Variants in ATP9B observed in about 807,000 individuals in gnomAD.
ATP9B encodes ATPase phospholipid transporting 9B, also known as probable phospholipid-transporting ATPase IIB.
Under a neutral mutation model 146.1 loss-of-function variants are expected in ATP9B, and 110 were observed. The observed-to-expected ratio is 0.75, with a 90% CI of 0.65 to 0.88. The LOEUF (loss-of-function observed/expected upper bound fraction) is 0.88, where lower values mean the gene tolerates loss of function less well. Among genes scored for constraint, ATP9B ranks in the 40% least tolerant of loss-of-function variants. ATP9B has a pLI of 0.00. For missense variants in ATP9B, 1,499 were observed against 1,496.4 expected (o/e 1.00, Z -0.03); for synonymous variants, 604 against 569.7 (o/e 1.06, Z -0.86).
At chr18:79,255,164 TG>T (rs1206717960) in intron 12 of ATP9B, 1 of 152,194 alleles carries the variant, frequency 6.6e-6, no homozygotes, top group Non-Finnish European at 1.5e-5. Context: ...ACAGTTCTTG[TG>T]CCGGCATGTA....
intron 6 of ATP9B, among the ~76,000 whole-genome samples, chr18:79,150,124 A>G (rs1368616804): frequency 6.6e-6 from 1 of 152,144 alleles, no homozygotes; most frequent in African/African-American, 2.4e-5. Flanking sequence ...GGAATTCAAC[A>G]TCATTAGTCA....
At chr18:79,188,958 G>C (rs1033645705) in intron 8 of ATP9B, among the ~76,000 whole-genome samples, 7 of 150,368 alleles carry the variant, frequency 4.7e-5, no homozygotes, top group African/African-American at 1.7e-4. Context: ...TTTTTAACTA[G>C]TTACAGTATG....
At chr18:79,273,179 G>A (rs923046909) in intron 12 of ATP9B, among the ~76,000 whole-genome samples, 4 of 152,226 alleles carry the variant, frequency 2.6e-5, no homozygotes, top group Non-Finnish European at 4.4e-5. Flanking sequence ...CCCATTGTGT[G>A]TCTGTTCATT....
chr18:79,317,791 G>A (rs2096689936), intron 15 of ATP9B, among the ~76,000 whole-genome samples: 1 of 152,192 alleles, frequency 6.6e-6, no homozygotes, highest in East Asian at 1.9e-4. Context: ...GCCATTGCAT[G>A]GTAGAATGCA....
At position 79,340,304 on chromosome 18, in the gene ATP9B, A is replaced by T. The variant is rs561503797; in HGVS notation, c.2284-1964A>T. 54 of 152,290 alleles carry T rather than the reference A, an allele frequency of 3.5e-4. 1 individual carries two copies. Among genetic ancestry groups the T allele is most frequent in the Non-Finnish European group, 7.5e-4 (51 of 68,024 alleles). 9.4% of individuals were successfully genotyped at this position (152,290 alleles called of 1,614,324 possible). The stretch of plus-strand genomic sequence containing the variant: ...TGCTCTTTATTCTTTACATTATGTA[A>T]AGTCTGACTTCAGATGTTCCTCTGA... On this transcript the variant is annotated intron_variant, in intron 19 of 29. Coordinates refer to ENST00000426216, the MANE Select transcript of ATP9B (RefSeq NM_198531.5).
chr18:79,370,517 A>C (rs886311492), intron 26 of ATP9B, among the ~76,000 whole-genome samples: 3 of 152,200 alleles, frequency 2.0e-5, no homozygotes, highest in Non-Finnish European at 4.4e-5. Flanking sequence ...CATGAAACCC[A>C]TAGTGAATGA....
At chr18:79,291,916 C>G (rs1270652568) in intron 13 of ATP9B, among the ~76,000 whole-genome samples, 1 of 152,190 alleles carries the variant, frequency 6.6e-6, no homozygotes, top group African/African-American at 2.4e-5. Context: ...TCGCCCGTGC[C>G]CCAGGCAGCC....
intron 13 of ATP9B, among the ~76,000 whole-genome samples, chr18:79,302,481 C>T (rs1176558841): frequency 6.6e-6 from 1 of 152,190 alleles, no homozygotes; most frequent in Non-Finnish European, 1.5e-5. Flanking sequence ...GTGAAAGCAC[C>T]ACACATCGCA....
At chr18:79,153,589 T>A (rs1176944687) in intron 6 of ATP9B, among the ~76,000 whole-genome samples, 1 of 152,184 alleles carries the variant, frequency 6.6e-6, no homozygotes, top group African/African-American at 2.4e-5. Context: ...CCTGCTGTGT[T>A]ACATGTACAG....
At chr18:79,359,561 T>A (rs1239620667) in intron 26 of ATP9B, 99 bp downstream of exon 26, 1 of 910,572 alleles carries the variant, frequency 1.1e-6, no homozygotes, top group Admixed American at 2.0e-5. Context: ...TTTCCAGGCA[T>A]TTTGTGAAAA....
intron 12 of ATP9B, among the ~76,000 whole-genome samples, chr18:79,261,492 G>T (rs1195500949): frequency 2.0e-5 from 3 of 152,118 alleles, no homozygotes; most frequent in African/African-American, 7.2e-5. Flanking sequence ...GCACGCCAAG[G>T]ACTGTGAGCA....
At chr18:79,304,352 T>C (rs1345197665) in intron 14 of ATP9B, among the ~76,000 whole-genome samples, 1 of 151,836 alleles carries the variant, frequency 6.6e-6, no homozygotes, top group Non-Finnish European at 1.5e-5. Flanking sequence ...GAATTAGAGG[T>C]TGAGTATCCC....
chr18:79,349,581 T>C (rs186168483), intron 25 of ATP9B, among the ~76,000 whole-genome samples: 2 of 152,280 alleles, frequency 1.3e-5, no homozygotes, highest in East Asian at 3.9e-4. Flanking sequence ...ACTCGACAGC[T>C]CCCTGAATCC....
At chr18:79,293,070 A>T (rs1194820167) in intron 13 of ATP9B, among the ~76,000 whole-genome samples, 1 of 151,606 alleles carries the variant, frequency 6.6e-6, no homozygotes, top group African/African-American at 2.4e-5. Context: ...TTGGGTTTTC[A>T]ACAAGGATGC....
At chr18:79,160,191 T>C (rs2094856721) in intron 7 of ATP9B, among the ~76,000 whole-genome samples, 1 of 152,242 alleles carries the variant, frequency 6.6e-6, no homozygotes, top group Non-Finnish European at 1.5e-5. Flanking sequence ...AAAACTATTT[T>C]GTTAGTGATT....
At chr18:79,364,290 AAAAAG>A (rs1443513816) in intron 26 of ATP9B, 1 of 152,062 alleles carries the variant, frequency 6.6e-6, no homozygotes. Flanking sequence ...AGAAAAGAAA[AAAAAG>A]AAAATAACAG....
Position 79,327,641 on chromosome 18 carries a change from G to GTTAGCGTGCCCTCCGTGT in ATP9B, c.1774-1495_1774-1494insGTGCCCTCCGTGTTTAGC, listed in dbSNP as rs1555849924. On this transcript the variant is annotated intron_variant, in intron 15 of 29. Coordinates refer to ENST00000426216, the MANE Select transcript of ATP9B (RefSeq NM_198531.5). ...CTCCCTGGTTAGTGTGCCCTCCCTG[G>GTTAGCGTGCCCTCCGTGT]TTAGCATGCTCTCCGTGTTTAGCGT... Among the ~76,000 whole-genome samples, 49 of 47,648 alleles carry GTTAGCGTGCCCTCCGTGT rather than the reference G, an allele frequency of 1.0e-3. 7 individuals are homozygous for GTTAGCGTGCCCTCCGTGT. Among genetic ancestry groups the GTTAGCGTGCCCTCCGTGT allele is most frequent in the South Asian group, 1.7e-3 (2 of 1,144 alleles). The allele number at this position is 47,648 out of a possible 152,430, so 31.3% of individuals were successfully genotyped here.
intron 13 of ATP9B, among the ~76,000 whole-genome samples, chr18:79,288,954 C>T (rs974019303): frequency 6.6e-6 from 1 of 152,210 alleles, no homozygotes; most frequent in African/African-American, 2.4e-5. Flanking sequence ...CTACTCTCTT[C>T]TGGCTTGTAG....
intron 6 of ATP9B, among the ~76,000 whole-genome samples, chr18:79,148,503 A>G (rs2094628873): frequency 3.9e-5 from 6 of 152,224 alleles, no homozygotes; most frequent in Admixed American, 3.9e-4. Flanking sequence ...AAATCACACA[A>G]TCAGTTGTTG....
Sources: allele counts gnomAD v4.1 joint callset (sites outside exome capture counted in the v4.1 genomes callset), GRCh38; gene constraint gnomAD v4.1.1; transcripts MANE v1.5; gene names NCBI Gene and HGNC (gene_info 2026-07-23, HGNC 2026-07-21).